Variants in LYZL1 observed in about 807,000 individuals in gnomAD.
LYZL1 encodes the protein lysozyme-like protein 1.
Under a neutral mutation model 17.9 loss-of-function variants are expected in LYZL1, and 16 were observed. That is an observed-to-expected ratio of 0.90 (90% CI 0.61 to 1.36). The LOEUF is 1.36. LYZL1 is among the 40% of genes most tolerant of loss of function. The pLI, the probability that LYZL1 is intolerant of heterozygous loss-of-function variation, is 0.00. For synonymous variants in LYZL1, 58 were observed against 71.8 expected (o/e 0.81, Z 0.97); for missense variants, 149 against 188.4 (o/e 0.79, Z 1.22).
chr10:29,289,752 C>T (rs534768946), intron 1 of LYZL1, among the ~76,000 whole-genome samples: 5 of 152,246 alleles, frequency 3.3e-5, no homozygotes, highest in Admixed American at 3.3e-4. Flanking sequence ...TTTGTCTGTC[C>T]CTCACAGCTT....
chr10:29,300,067 C>A (rs1381503056), intron 3 of LYZL1, among the ~76,000 whole-genome samples: 1 of 152,152 alleles, frequency 6.6e-6, no homozygotes, highest in African/African-American at 2.4e-5. Context: ...TCCAATAAGG[C>A]TTTATTTACA....
chr10:29,303,651 T>G (rs780481982), intron 3 of LYZL1, among the ~76,000 whole-genome samples: 2 of 152,184 alleles, frequency 1.3e-5, no homozygotes, highest in African/African-American at 2.4e-5. Flanking sequence ...GACACTCATA[T>G]CTGTTTTCTT....
chr10:29,304,941 A>C lies in LYZL1; in HGVS notation c.299-5169A>C, dbSNP rs189343648. Among the ~76,000 whole-genome samples, 638 of 152,332 alleles carry C rather than the reference A, an allele frequency of 4.2e-3. 5 individuals are homozygous for C. Among genetic ancestry groups the C allele is most frequent in the African/African-American group, 0.014 (586 of 41,570 alleles). ...GTACTCGGTGTCCACTTCCTGGTCC[A>C]ATATGGCCCCACCGTCCCAGAAATC... On this transcript the variant is annotated intron_variant, in intron 3 of 4. Coordinates refer to ENST00000649382, the MANE Select transcript of LYZL1 (RefSeq NM_032517.6).
chr10:29,293,122 C>CTTTTTTTTTTTTTTTTTTTTT (rs1451187937), intron 3 of LYZL1, among the ~76,000 whole-genome samples: 1 of 96,846 alleles, frequency 1.0e-5, no homozygotes. Flanking sequence ...TTTTTCTTTT[C>CTTTTTTTTTTTTTTTTTTTTT]TTTTCTTTTT....
In LYZL1 at chr10:29,301,083, G is replaced by A. The variant is rs376650473; in HGVS notation, c.298+8406G>A. Among the ~76,000 whole-genome samples, 20 of 152,214 alleles carry A rather than the reference G, an allele frequency of 1.3e-4. No homozygotes were observed. The South Asian group carries it at 3.3e-3, about 25-fold the overall frequency. On this transcript the variant is annotated intron_variant, in intron 3 of 4. Coordinates refer to ENST00000649382, the MANE Select transcript of LYZL1 (RefSeq NM_032517.6). The stretch of plus-strand genomic sequence containing the variant: ...ATTGTAACTCCCATAATTCCCATGT[G>A]TTGTAGGAGGAACTCGGTGGGAGGT...
intron 3 of LYZL1, among the ~76,000 whole-genome samples, chr10:29,295,135 A>G (rs1463179592): frequency 2.0e-5 from 3 of 152,172 alleles, no homozygotes; most frequent in African/African-American, 7.2e-5. Context: ...TATTGTCCCT[A>G]CCCTAACATT....
chr10:29,294,514 G>C (rs1835420390), intron 3 of LYZL1, among the ~76,000 whole-genome samples: 2 of 152,184 alleles, frequency 1.3e-5, no homozygotes, highest in South Asian at 4.1e-4. Flanking sequence ...TCTCTGTGCT[G>C]CCTCTAGAGT....
chr10:29,292,384 T>C, intron 2 of LYZL1, 135 bp from the exon 3 acceptor site: 2 of 1,382,166 alleles, frequency 1.4e-6, no homozygotes, highest in East Asian at 2.5e-5. Context: ...CCTGGGCGCA[T>C]GCCCGCCCTG....
rs150151062 is a variant in LYZL1, at chr10:29,289,087, G to T, written c.-169G>T. On this transcript the variant is annotated 5_prime_UTR_variant, in exon 1 of 5. Transcript: ENST00000649382. ...CTTGAGCTAGGAAAGGATTACTCGC[G>T]CCTCGTTAGAATCAGACATGGCTTC... The T allele has an allele frequency of 9.8e-6, 15 of 1,535,790 alleles. No homozygotes were observed. The highest frequency in any genetic ancestry group is 9.6e-5 in the African/African-American group (7 of 72,756).
intron 4 of LYZL1, 150 bp from the exon 5 acceptor site, chr10:29,310,840 A>C: frequency 8.5e-7 from 1 of 1,173,042 alleles, no homozygotes; most frequent in Non-Finnish European, 1.2e-6. Flanking sequence ...TGAACTAGGC[A>C]AAAGGACAGC....
chr10:29,314,876 C>T (rs1196461854), downstream of LYZL1, among the ~76,000 whole-genome samples: 1 of 152,164 alleles, frequency 6.6e-6, no homozygotes. Flanking sequence ...ATCCAAGAGG[C>T]CCCTGCTGCC....
chr10:29,301,615 T>G, intron 3 of LYZL1, among the ~76,000 whole-genome samples: 1 of 152,246 alleles, frequency 6.6e-6, no homozygotes, highest in East Asian at 1.9e-4. Flanking sequence ...TTTAAGATTT[T>G]CTCTCTATTA....
At chr10:29,293,044 A>C (rs1002796618) in intron 3 of LYZL1, among the ~76,000 whole-genome samples, 2 of 151,670 alleles carry the variant, frequency 1.3e-5, no homozygotes, top group African/African-American at 4.8e-5. Flanking sequence ...TGTACTTCTT[A>C]GTGCAGAATG....
At chr10:29,314,840 C>A (rs1835710616), downstream of LYZL1, among the ~76,000 whole-genome samples, 1 of 152,176 alleles carries the variant, frequency 6.6e-6, no homozygotes, top group African/African-American at 2.4e-5. Context: ...AACTATCGCC[C>A]AGGGGCCACA....
At chr10:29,313,291 T>G (rs1835694239), downstream of LYZL1, among the ~76,000 whole-genome samples, 2 of 152,186 alleles carry the variant, frequency 1.3e-5, no homozygotes, top group African/African-American at 4.8e-5. Context: ...CTGCACTAAA[T>G]CAATAATCTG....
At chr10:29,308,835 CATGCCTG>C (rs1320749341) in intron 3 of LYZL1, among the ~76,000 whole-genome samples, 1 of 151,230 alleles carries the variant, frequency 6.6e-6, no homozygotes, top group Non-Finnish European at 1.5e-5. Context: ...CATGGTGGCC[CATGCCTG>C]TAGTCCCAGC....
At chr10:29,310,826 A>G (rs573297489) in intron 4 of LYZL1, among the ~76,000 whole-genome samples, 164 bp from the exon 5 acceptor site, 1 of 152,362 alleles carries the variant, frequency 6.6e-6, no homozygotes, top group South Asian at 2.1e-4. Context: ...AGGAGACAAA[A>G]GTCTGAACTA....
chr10:29,290,560 GC>G (rs1317333216), intron 1 of LYZL1, among the ~76,000 whole-genome samples: 18 of 152,300 alleles, frequency 1.2e-4, no homozygotes, highest in African/African-American at 4.3e-4. Flanking sequence ...CATGTTTTGG[GC>G]TGGGCATGGT....
chr10:29,295,183 C>T (rs1201548224), intron 3 of LYZL1, among the ~76,000 whole-genome samples: 2 of 152,150 alleles, frequency 1.3e-5, no homozygotes, highest in African/African-American at 4.8e-5. Flanking sequence ...ATAGATCTCC[C>T]GATTGTTGGT....
Sources: allele counts gnomAD v4.1 joint callset (sites outside exome capture counted in the v4.1 genomes callset), GRCh38; gene constraint gnomAD v4.1.1; transcripts MANE v1.5; gene names NCBI Gene and HGNC (gene_info 2026-07-23, HGNC 2026-07-21).